The following VRTN variants were observed in gnomAD, a reference collection of about 807,000 sequenced individuals.
VRTN encodes vertnin.
Under a neutral mutation model 18.2 loss-of-function variants are expected in VRTN, and 5 were observed. The observed-to-expected ratio is 0.27, with a 90% CI of 0.14 to 0.58. The LOEUF is 0.58. VRTN is among the 20% of genes least tolerant of loss of function. The pLI is 0.91. For missense variants in VRTN, 741 were observed against 939.4 expected (o/e 0.79, Z 2.76); for synonymous variants, 381 against 393.7 (o/e 0.97, Z 0.38).
intron 1 of VRTN, among the ~76,000 whole-genome samples, chr14:74,349,056 G>A (rs748215486): frequency 2.6e-5 from 4 of 152,168 alleles, no homozygotes; most frequent in African/African-American, 7.2e-5. Context: ...AGGGGCAACC[G>A]GGAGCCTGTG....
chr14:74,303,514 G>A (rs2085174050), intron 1 of VRTN, among the ~76,000 whole-genome samples: 1 of 152,196 alleles, frequency 6.6e-6, no homozygotes, highest in Non-Finnish European at 1.5e-5. Context: ...CTGTGCCACT[G>A]CACTCCAGCC....
chr14:74,358,524 G>A lies in VRTN; in HGVS notation c.1741G>A (p.Gly581Ser). The A allele has an allele frequency of 1.2e-6, 2 of 1,613,880 alleles. No homozygotes were observed. Among genetic ancestry groups the A allele is most frequent in the Non-Finnish European group, 1.7e-6 (2 of 1,179,848 alleles). ...EAEEKQEKEA[G>S]RDVTAVMAPP... ...TGAGGAGAAGCAGGAGAAGGAGGCT[G>A]GCAGGGATGTGACAGCTGTGATGGC... The change falls in exon 2 of 2, where the codon GGC becomes AGC. Residue 581 changes from glycine to serine, a missense_variant. By Grantham distance (56) the Gly-to-Ser change is moderately conservative. Coordinates refer to ENST00000256362, the MANE Select transcript of VRTN (RefSeq NM_018228.3). The surrounding 1 kb of genome is among the most constrained non-coding windows in gnomAD (Gnocchi z 5.4).
intron 1 of VRTN, among the ~76,000 whole-genome samples, chr14:74,325,431 T>TCAAAAAC (rs10659570): frequency 2.7e-5 from 4 of 150,698 alleles, no homozygotes; most frequent in Non-Finnish European, 4.4e-5. Context: ...AAACCAAAGG[T>TCAAAAAC]CAAAAAACAA....
intron 1 of VRTN, among the ~76,000 whole-genome samples, chr14:74,354,257 A>G (rs1326480960): frequency 2.0e-5 from 3 of 152,184 alleles, no homozygotes; most frequent in East Asian, 3.8e-4. Flanking sequence ...TATAGATGGA[A>G]AAAGGAGGAG....
At position 74,358,191 on chromosome 14, in the gene VRTN, G is replaced by A. The variant is rs774395630; in HGVS notation, c.1408G>A (p.Gly470Arg). 9 of 1,613,686 alleles carry A rather than the reference G, an allele frequency of 5.6e-6. No individual in the cohort carries two copies. The highest frequency in any genetic ancestry group is 5.5e-5 in the South Asian group (5 of 91,088). Reference protein sequence around the residue: ...GTPQLASVGEGAVIPWKSEAE... With the variant: ...GTPQLASVGERAVIPWKSEAE... The stretch of plus-strand genomic sequence containing the variant: ...TCCCCAGCTAGCATCTGTTGGGGAA[G>A]GGGCTGTAATTCCTTGGAAGAGTGA... Residue 470 changes from glycine to arginine, a missense_variant, in exon 2 of 2, where the codon GGG becomes AGG. By Grantham distance (125) the Gly-to-Arg change is moderately radical. Coordinates refer to ENST00000256362, the MANE Select transcript of VRTN (RefSeq NM_018228.3). The surrounding 1 kb of genome is among the most constrained non-coding windows in gnomAD (Gnocchi z 5.4).
intron 1 of VRTN, among the ~76,000 whole-genome samples, chr14:74,313,921 G>A (rs1017657268): frequency 2.8e-4 from 43 of 152,092 alleles, no homozygotes; most frequent in Admixed American, 2.6e-3. Flanking sequence ...GCAACAGAGC[G>A]AGACACTGTC....
chr14:74,324,109 C>T (rs1595166213), intron 1 of VRTN, among the ~76,000 whole-genome samples: 1 of 152,172 alleles, frequency 6.6e-6, no homozygotes, highest in East Asian at 1.9e-4. Flanking sequence ...CTATAAGAGG[C>T]CGGGCATGGT....
chr14:74,348,323 CCCAG>C (rs1334742086), upstream of VRTN: 1 of 152,228 alleles, frequency 6.6e-6, no homozygotes. Context: ...CTTTAACACC[CCCAG>C]CTGGGGAGAG....
intron 1 of VRTN, among the ~76,000 whole-genome samples, chr14:74,316,753 C>T (rs1324400028): frequency 6.6e-6 from 1 of 150,728 alleles, no homozygotes; most frequent in Non-Finnish European, 1.5e-5. Context: ...TCTCCTGCCT[C>T]AGCCTCCCGA....
chr14:74,303,777 C>T (rs1477432047), intron 1 of VRTN, among the ~76,000 whole-genome samples: 2 of 150,952 alleles, frequency 1.3e-5, no homozygotes, highest in African/African-American at 4.9e-5. Context: ...CTACAACATG[C>T]ATGTATCACT....
At chr14:74,311,452 A>G (rs2140192094) in intron 1 of VRTN, among the ~76,000 whole-genome samples, 1 of 144,848 alleles carries the variant, frequency 6.9e-6, no homozygotes, top group South Asian at 2.2e-4. Context: ...ACAGACTCTC[A>G]TTCTGTTGTC....
chr14:74,340,267 C>G (rs2085594389), intron 2 of VRTN, among the ~76,000 whole-genome samples: 1 of 152,212 alleles, frequency 6.6e-6, no homozygotes, highest in Non-Finnish European at 1.5e-5. Context: ...CATGTGCCAC[C>G]ACGCCCGGCT....
chr14:74,334,189 C>T (rs966680852), intron 1 of VRTN, among the ~76,000 whole-genome samples: 2 of 152,038 alleles, frequency 1.3e-5, no homozygotes, highest in African/African-American at 4.8e-5. Context: ...TTCCTGGAAG[C>T]CAAAGCCAAG....
At chr14:74,354,604 C>T (rs561033810) in intron 1 of VRTN, among the ~76,000 whole-genome samples, 1 of 151,978 alleles carries the variant, frequency 6.6e-6, no homozygotes, top group South Asian at 2.1e-4. Flanking sequence ...GGGGTTTCAC[C>T]ACATTGGCCA....
intron 1 of VRTN, among the ~76,000 whole-genome samples, chr14:74,355,723 T>C (rs2085722222): frequency 6.6e-6 from 1 of 151,944 alleles, no homozygotes; most frequent in Admixed American, 6.6e-5. Flanking sequence ...GTATTTTTAG[T>C]AGCAATGGGG....
chr14:74,325,108 G>A (rs2085480386), intron 1 of VRTN, among the ~76,000 whole-genome samples: 1 of 151,944 alleles, frequency 6.6e-6, no homozygotes, highest in African/African-American at 2.4e-5. Flanking sequence ...CAGGTTTTTC[G>A]CATCTTGGGA....
chr14:74,336,335 AG>A (rs942287776), intron 1 of VRTN, among the ~76,000 whole-genome samples: 8 of 151,952 alleles, frequency 5.3e-5, no homozygotes, highest in African/African-American at 1.9e-4. Context: ...TGAACCTGGG[AG>A]GCGGAGGTTG....
At chr14:74,356,673 G>A in intron 1 of VRTN, 110 bp from the exon 2 acceptor site, 4 of 1,405,752 alleles carry the variant, frequency 2.8e-6, no homozygotes, top group Non-Finnish European at 3.8e-6. Context: ...GACGGGAGCA[G>A]ATAGACATTA....
rs745842988 is a variant in VRTN at position 74,358,510 on chromosome 14, A to G, written c.1727A>G (p.Gln576Arg). ...GGGGGGCAGGAGGCTGAGGAGAAGCAGGAGAAGGAGGCTGGCAGGGATGTG... is the reference window on the plus strand; with the variant it reads ...GGGGGGCAGGAGGCTGAGGAGAAGCGGGAGAAGGAGGCTGGCAGGGATGTG... ...GKGGQEAEEK[Q>R]EKEAGRDVTA... is the part of the protein sequence containing the mutation. Residue 576 changes from glutamine (Q) to arginine (R), a missense_variant, in exon 2 of 2, where the codon CAG becomes CGG. Coordinates refer to ENST00000256362, the MANE Select transcript of VRTN (RefSeq NM_018228.3). This position sits in a 1 kb window ranked among gnomAD's most constrained non-coding sequence, Gnocchi z 5.4. 8.1e-6 allele frequency: 13 copies of G among 1,612,512 alleles called. No individual in the cohort carries two copies. The Admixed American group carries it at 2.2e-4, about 27-fold the overall frequency.
Sources: allele counts gnomAD v4.1 joint callset (sites outside exome capture counted in the v4.1 genomes callset), GRCh38; gene constraint gnomAD v4.1.1; non-coding constraint Gnocchi (gnomAD v3.1); transcripts MANE v1.5; gene names NCBI Gene and HGNC (gene_info 2026-07-23, HGNC 2026-07-21).